Variants in MCTP2 observed in about 807,000 individuals in gnomAD.
MCTP2 encodes multiple C2 and transmembrane domain-containing protein 2.
In MCTP2, 132 loss-of-function variants were observed where a neutral mutation model predicts 111.6. The ratio of observed to expected loss-of-function variants is 1.18; its 90% CI spans 1.03 to 1.37. The LOEUF (loss-of-function observed/expected upper bound fraction) is 1.37. Ranked by LOEUF, MCTP2 falls within the 40% of genes most tolerant of loss-of-function variation. The pLI, the probability that MCTP2 is intolerant of heterozygous loss-of-function variation, is 0.00. For synonymous variants in MCTP2, 395 were observed against 387.7 expected (o/e 1.02, Z -0.22); for missense variants, 1,183 against 1,067.9 (o/e 1.11, Z -1.50).
chr15:94,419,248 T>G (rs886101100), intron 17 of MCTP2, among the ~76,000 whole-genome samples: 10 of 152,124 alleles, frequency 6.6e-5, no homozygotes, highest in Non-Finnish European at 1.2e-4. Context: ...TTCCCCTAAT[T>G]AACTGACCAG....
rs746937797 is a variant in MCTP2, at chr15:94,479,019, G to T, written c.2622G>T (p.Lys874Asn). 1.2e-6 allele frequency: 2 copies of T among 1,614,090 alleles called. No individual in the cohort carries two copies. The highest frequency in any genetic ancestry group is 4.5e-5 in the East Asian group (2 of 44,868). ...LCSSHSPLRK[K>N]RSAL is the part of the protein sequence containing the mutation. Reference sequence around the variant, plus strand: ...GCAGCCACAGCCCCCTGCGGAAGAAGCGCAGCGCTCTCTAGGGCACACACC... The same window carrying T: ...GCAGCCACAGCCCCCTGCGGAAGAATCGCAGCGCTCTCTAGGGCACACACC... Residue 874 changes from lysine (K) to asparagine (N), a missense_variant, in exon 23 of 23, where the codon AAG (lysine) becomes AAT (asparagine). Lys to Asn is a moderately conservative substitution (Grantham distance 94). Transcript: ENST00000357742.
At chr15:94,316,429 G>A (rs1170449322) in intron 4 of MCTP2, among the ~76,000 whole-genome samples, 1 of 152,162 alleles carries the variant, frequency 6.6e-6, no homozygotes, top group African/African-American at 2.4e-5. Context: ...AGTTGAGCTA[G>A]ACTACCTGGG....
intron 14 of MCTP2, among the ~76,000 whole-genome samples, chr15:94,393,920 T>C (rs1218804618): frequency 6.6e-6 from 1 of 151,562 alleles, no homozygotes; most frequent in East Asian, 1.9e-4. Flanking sequence ...CGTGGTGGCG[T>C]GCTTCTGTAA....
At chr15:94,444,240 G>T (rs965637543) in intron 19 of MCTP2, among the ~76,000 whole-genome samples, 9 of 152,214 alleles carry the variant, frequency 5.9e-5, no homozygotes, top group African/African-American at 2.2e-4. Context: ...ACAGGGCAAC[G>T]GATGGGGGAA....
At chr15:94,294,154 C>T (rs1023759608) in intron 1 of MCTP2, among the ~76,000 whole-genome samples, 8 of 152,034 alleles carry the variant, frequency 5.3e-5, no homozygotes, top group East Asian at 3.9e-4. Context: ...AAACATTCCC[C>T]GAAAGACAAA....
intron 17 of MCTP2, among the ~76,000 whole-genome samples, chr15:94,427,671 C>T (rs1379147031): frequency 6.6e-6 from 1 of 152,094 alleles, no homozygotes; most frequent in East Asian, 1.9e-4. Flanking sequence ...GGACACAGAG[C>T]CAAACCATAT....
At chr15:94,272,372 T>C (rs1318268887) in intron 1 of MCTP2, among the ~76,000 whole-genome samples, 1 of 152,198 alleles carries the variant, frequency 6.6e-6, no homozygotes, top group Non-Finnish European at 1.5e-5. Context: ...GATTGAACAC[T>C]GTAGCCAGAG....
At chr15:94,440,419 A>C (rs1289287242) in intron 18 of MCTP2, 121 bp downstream of exon 18, 5 of 1,227,920 alleles carry the variant, frequency 4.1e-6, no homozygotes, top group African/African-American at 1.5e-5. Flanking sequence ...GCAGCCCTGC[A>C]AAGGCACTCA....
At chr15:94,460,343 C>G (rs1254138792) in intron 20 of MCTP2, among the ~76,000 whole-genome samples, 1 of 152,106 alleles carries the variant, frequency 6.6e-6, no homozygotes, top group Non-Finnish European at 1.5e-5. Context: ...ACGCTCAAAG[C>G]CCAAGACTAT....
chr15:94,244,173 C>T lies in MCTP2; in HGVS notation c.-66+12509C>T, dbSNP rs554152570. ...ATATGTTTATATACACGTGTATACA[C>T]ATACGTATGTGTATATGTTTATATA... On this transcript the variant is annotated intron_variant, in intron 1 of 22. Coordinates refer to ENST00000357742, the MANE Select transcript of MCTP2 (RefSeq NM_001385001.1). Among the ~76,000 whole-genome samples, 4 of 145,076 alleles carry T rather than the reference C, an allele frequency of 2.8e-5. 1 individual carries two copies. The highest frequency in any genetic ancestry group is 5.2e-5 in the African/African-American group (2 of 38,138).
At chr15:94,360,242 C>A (rs1176035848) in intron 10 of MCTP2, among the ~76,000 whole-genome samples, 1 of 152,188 alleles carries the variant, frequency 6.6e-6, no homozygotes, top group African/African-American at 2.4e-5. Context: ...TCTTCCCTGG[C>A]CGTCTCCCAG....
At chr15:94,286,489 G>C (rs2074761726) in intron 1 of MCTP2, among the ~76,000 whole-genome samples, 1 of 151,892 alleles carries the variant, frequency 6.6e-6, no homozygotes, top group Non-Finnish European at 1.5e-5. Context: ...TCTGTTATTT[G>C]GATTGATACT....
intron 18 of MCTP2, among the ~76,000 whole-genome samples, chr15:94,442,286 T>A (rs142740682): frequency 2.9e-3 from 440 of 152,328 alleles, no homozygotes; most frequent in Admixed American, 6.2e-3. Flanking sequence ...GCCAAGATTT[T>A]TATATTCATC....
At chr15:94,241,493 T>C (rs1230444283) in intron 1 of MCTP2, among the ~76,000 whole-genome samples, 1 of 152,216 alleles carries the variant, frequency 6.6e-6, no homozygotes, top group East Asian at 1.9e-4. Flanking sequence ...AAACCAGGTC[T>C]TGCCTGTCGA....
chr15:94,440,553 A>G (rs190227793), intron 18 of MCTP2, among the ~76,000 whole-genome samples: 15 of 152,312 alleles, frequency 9.8e-5, no homozygotes, highest in Admixed American at 6.5e-4. Context: ...CCATGCTGGT[A>G]GCACATGTCT....
At position 94,441,000 on chromosome 15, in the gene MCTP2, C is replaced by CT. The variant is rs112016997; in HGVS notation, c.2208+711dup. Among the ~76,000 whole-genome samples, 1,215 of 151,336 alleles carry CT rather than the reference C, an allele frequency of 8.0e-3. 11 individuals are homozygous for CT. Among genetic ancestry groups the CT allele is most frequent in the African/African-American group, 0.028 (1,139 of 41,246 alleles). The stretch of plus-strand genomic sequence containing the variant: ...GTGGCCAGGAACTTGTATTTGTAGG[C>CT]TTTTTTTTTATGATGTAATCTAGGC... On this transcript the variant is annotated intron_variant, in intron 18 of 22. Coordinates refer to ENST00000357742, the MANE Select transcript of MCTP2 (RefSeq NM_001385001.1).
At chr15:94,439,629 T>A (rs1241011025) in intron 17 of MCTP2, among the ~76,000 whole-genome samples, 1 of 152,178 alleles carries the variant, frequency 6.6e-6, no homozygotes. Context: ...ATTTCAGAGG[T>A]TGACAGAAAT....
chr15:94,292,373 C>T (rs1307560466), intron 1 of MCTP2, among the ~76,000 whole-genome samples: 1 of 151,980 alleles, frequency 6.6e-6, no homozygotes. Context: ...ACGTGATTTT[C>T]TATGAAGAAG....
In MCTP2 at chr15:94,298,951, CT is replaced by C. The variant is rs1292628917; in HGVS notation, c.465+222del. 4.9e-3 allele frequency among the ~76,000 whole-genome samples: 68 copies of C among 13,992 alleles called. 4 individuals carry two copies. Among genetic ancestry groups the C allele is most frequent in the African/African-American group, 0.04 (66 of 1,662 alleles). The allele number at this position is 13,992 out of a possible 152,430, so 9.2% of individuals were successfully genotyped here. A position where few individuals can be genotyped will look rare whatever the true frequency, so the allele number is the denominator to read the frequency against. ...TCTTTCCCTCTCCCTCTCTCCCTCT[CT>C]CCCTCTCTCCCTCTCTCCCTCTCCC... On this transcript the variant is annotated intron_variant, in intron 2 of 22. Coordinates refer to ENST00000357742, the MANE Select transcript of MCTP2 (RefSeq NM_001385001.1).
Sources: allele counts gnomAD v4.1 joint callset (sites outside exome capture counted in the v4.1 genomes callset), GRCh38; gene constraint gnomAD v4.1.1; transcripts MANE v1.5; gene names NCBI Gene and HGNC (gene_info 2026-07-23, HGNC 2026-07-21).